CRISP3: variants seen among roughly 807,000 people sequenced by gnomAD.
CRISP3 encodes the protein cysteine-rich secretory protein 3.
A neutral mutation model predicts 36.1 loss-of-function variants in CRISP3; 33 were observed. The ratio of observed to expected loss-of-function variants is 0.91; its 90% CI spans 0.69 to 1.22. The LOEUF (loss-of-function observed/expected upper bound fraction) is 1.22. Ranked by LOEUF, CRISP3 falls within the 50% of genes most tolerant of loss-of-function variation. CRISP3 has a pLI of 0.00. For synonymous variants in CRISP3, 117 were observed against 104.6 expected (o/e 1.12, Z -0.72); for missense variants, 330 against 301.2 (o/e 1.10, Z -0.71).
chr6:49,739,991 CAA>C (rs967999053), intron 1 of CRISP3, among the ~76,000 whole-genome samples: 3 of 152,100 alleles, frequency 2.0e-5, no homozygotes, highest in African/African-American at 7.2e-5. Flanking sequence ...TAATTTATCT[CAA>C]GTGTGATTAG....
chr6:49,731,261 GA>G lies in CRISP3; in HGVS notation c.561-11del. 1 of 1,559,364 alleles carries G rather than the reference GA, an allele frequency of 6.4e-7. No homozygotes were observed. Among genetic ancestry groups the G allele is most frequent in the Admixed American group, 1.8e-5 (1 of 55,162 alleles). The stretch of plus-strand genomic sequence containing the variant: ...ATTAGCCCAATTACCACTGAAATTT[GA>G]AATAAAAATGTCAAATATTTTTCAT... On this transcript the variant is annotated splice_polypyrimidine_tract_variant and intron_variant, in intron 6 of 7. Transcript: ENST00000263045.
intron 1 of CRISP3, among the ~76,000 whole-genome samples, chr6:49,743,099 A>G (rs1769248895): frequency 6.6e-6 from 1 of 152,236 alleles, no homozygotes; most frequent in Admixed American, 6.5e-5. Flanking sequence ...AAAGTTTGCA[A>G]AACTGCTAGA....
intron 2 of CRISP3, among the ~76,000 whole-genome samples, 175 bp from the exon 3 acceptor site, chr6:49,736,682 A>G (rs1469095744): frequency 1.3e-5 from 2 of 152,194 alleles, no homozygotes; most frequent in Non-Finnish European, 2.9e-5. Context: ...ATTAGATGAA[A>G]GTTTTCAGAA....
At chr6:49,739,083 T>C (rs1318665353) in intron 1 of CRISP3, among the ~76,000 whole-genome samples, 3 of 152,166 alleles carry the variant, frequency 2.0e-5, no homozygotes, top group African/African-American at 4.8e-5. Context: ...ACTAGTGTTA[T>C]AGACCTTGAA....
intron 6 of CRISP3, among the ~76,000 whole-genome samples, chr6:49,732,949 G>A (rs565982374): frequency 3.9e-5 from 6 of 152,250 alleles, no homozygotes; most frequent in African/African-American, 9.6e-5. Flanking sequence ...ATAGCAAAAG[G>A]CAATTGAGAG....
At chr6:49,739,001 G>GA (rs78282683) in intron 1 of CRISP3, among the ~76,000 whole-genome samples, 27,449 of 145,100 alleles carry the variant, frequency 0.19, 2,713 homozygotes, top group Admixed American at 0.32. Flanking sequence ...CTTGAAGTCT[G>GA]AAAAAAAAAA....
rs528303104 is a variant in CRISP3, at chr6:49,742,371, C to T, written c.37+1960G>A. 7.2e-5 allele frequency among the ~76,000 whole-genome samples: 11 copies of T among 151,998 alleles called. No homozygotes were observed. In the East Asian group the frequency reaches 2.1e-3, roughly 29 times the overall value. On this transcript the variant is annotated intron_variant, in intron 1 of 7. Transcript: ENST00000263045. ...AATTGCTTGGGCGCAGTGGCTCATGCCTGTAATCCTAGCACTTTGGGAGGC... is the reference window on the plus strand; with the variant it reads ...AATTGCTTGGGCGCAGTGGCTCATGTCTGTAATCCTAGCACTTTGGGAGGC...
chr6:49,730,293 C>G (rs1768882822), intron 7 of CRISP3, among the ~76,000 whole-genome samples: 1 of 151,860 alleles, frequency 6.6e-6, no homozygotes, highest in Non-Finnish European at 1.5e-5. Context: ...GAGGCTTCTG[C>G]AAACTAATAC....
intron 1 of CRISP3, 24 bp from the exon 2 acceptor site, chr6:49,737,422 CA>C (rs781103597): frequency 6.2e-7 from 1 of 1,613,590 alleles, no homozygotes; most frequent in Non-Finnish European, 8.5e-7. Context: ...ACCGGTGGAA[CA>C]GGGATCTGCA....
chr6:49,731,092 A>T, intron 7 of CRISP3, 71 bp downstream of exon 7: 34 of 1,155,736 alleles, frequency 2.9e-5, no homozygotes, highest in Non-Finnish European at 4.3e-5. Context: ...GGTTGTCTTC[A>T]GATTTCCCAA....
At chr6:49,739,626 G>A (rs1769149227) in intron 1 of CRISP3, among the ~76,000 whole-genome samples, 1 of 152,172 alleles carries the variant, frequency 6.6e-6, no homozygotes, top group South Asian at 2.1e-4. Context: ...CAATAATGGT[G>A]ACAGAGAGTC....
In CRISP3 at chr6:49,733,756, C is replaced by T. The variant is rs61735632; in HGVS notation, c.409G>A (p.Asp137Asn). ...QSWFDEYNDF[D>N]FGVGPKTPNA... ...GGAGTCTTTGGCCCTACACCAAAGT[C>T]AAAATCATTGTACTCATCAAACCAG... The change falls in exon 5 of 8, where the codon GAC (aspartate) becomes AAC (asparagine). Residue 137 changes from aspartate to asparagine, a missense_variant. Transcript: ENST00000263045. 386 of 1,613,730 alleles carry T rather than the reference C, an allele frequency of 2.4e-4. No individual in the cohort carries two copies. In the African/African-American group the frequency reaches 4.2e-3, roughly 17 times the overall value.
At chr6:49,735,728 C>A in intron 3 of CRISP3, 137 bp from the exon 4 acceptor site, 1 of 559,290 alleles carries the variant, frequency 1.8e-6, no homozygotes, top group South Asian at 2.6e-5. Flanking sequence ...TTATAGTAAT[C>A]AAATGTATAT....
intron 2 of CRISP3, among the ~76,000 whole-genome samples, chr6:49,736,768 G>T (rs757606315): frequency 6.6e-6 from 1 of 152,094 alleles, no homozygotes; most frequent in Non-Finnish European, 1.5e-5. Flanking sequence ...GTTAAGAGAG[G>T]TCTTAATGTG....
intron 1 of CRISP3, among the ~76,000 whole-genome samples, chr6:49,741,989 A>G (rs759918056): frequency 6.6e-6 from 1 of 150,924 alleles, no homozygotes; most frequent in Non-Finnish European, 1.5e-5. Context: ...TATCTGGAGA[A>G]CACACCAAAA....
chr6:49,741,760 A>G (rs1326305699), intron 1 of CRISP3, among the ~76,000 whole-genome samples: 1 of 148,706 alleles, frequency 6.7e-6, no homozygotes, highest in African/African-American at 2.4e-5. Flanking sequence ...GAAAAGAATG[A>G]CTAACACTTT....
chr6:49,729,077 A>T (rs1768850135), intron 7 of CRISP3, among the ~76,000 whole-genome samples: 1 of 152,122 alleles, frequency 6.6e-6, no homozygotes, highest in African/African-American at 2.4e-5. Context: ...TGTTTCTAAG[A>T]TGAACTGACA....
chr6:49,733,222 T>A lies in CRISP3; in HGVS notation c.533A>T (p.Tyr178Phe). ...AYCPNQKVLK[Y>F]YYVCQYCPAG... ...AGGACAATATTGGCAAACATAGTAG[T>A]ATTTTAGAACTTTTTGATTGGGACA... Residue 178 changes from tyrosine (Y) to phenylalanine (F), a missense_variant, in exon 6 of 8, where the codon TAC becomes TTC. Physicochemically the swap from Tyr to Phe is conservative, Grantham distance 22. Coordinates refer to ENST00000263045, the MANE Select transcript of CRISP3 (RefSeq NM_006061.4). 1 of 1,608,072 alleles carries A rather than the reference T, an allele frequency of 6.2e-7. No individual in the cohort carries two copies. The highest frequency in any genetic ancestry group is 8.5e-7 in the Non-Finnish European group (1 of 1,176,082).
intron 4 of CRISP3, 132 bp downstream of exon 4, chr6:49,735,372 T>C (rs1769016075): frequency 3.1e-6 from 2 of 650,330 alleles, no homozygotes; most frequent in Non-Finnish European, 5.3e-6. Flanking sequence ...TCTCTACATG[T>C]AGATAGTCCA....
Sources: allele counts gnomAD v4.1 joint callset (sites outside exome capture counted in the v4.1 genomes callset), GRCh38; gene constraint gnomAD v4.1.1; transcripts MANE v1.5; gene names NCBI Gene and HGNC (gene_info 2026-07-23, HGNC 2026-07-21).